NR1I2: variants seen among roughly 807,000 people sequenced by gnomAD.
NR1I2 encodes orphan nuclear receptor PAR1.
A neutral mutation model predicts 43.3 loss-of-function variants in NR1I2; 42 were observed. The observed-to-expected ratio is 0.97, with a 90% CI of 0.76 to 1.26. The LOEUF (loss-of-function observed/expected upper bound fraction) is 1.26, where lower values mean the gene tolerates loss of function less well. NR1I2 is among the 50% of genes most tolerant of loss of function. The pLI, the probability that NR1I2 is intolerant of heterozygous loss-of-function variation, is 0.00. For synonymous variants in NR1I2, 229 were observed against 215.0 expected (o/e 1.06, Z -0.57); for missense variants, 559 against 566.7 (o/e 0.99, Z 0.14).
intron 1 of NR1I2, among the ~76,000 whole-genome samples, chr3:119,788,268 C>A (rs533126067): frequency 6.6e-6 from 1 of 151,980 alleles, no homozygotes; most frequent in South Asian, 2.1e-4. Flanking sequence ...TGTGTGCCAC[C>A]ATGCCCAGAC....
chr3:119,802,843 G>A (rs958444597), intron 1 of NR1I2: 8 of 456,374 alleles, frequency 1.8e-5, no homozygotes, highest in Middle Eastern at 3.2e-4. Flanking sequence ...ACACATGTCT[G>A]TTGAGCAATA....
intron 1 of NR1I2, among the ~76,000 whole-genome samples, chr3:119,804,970 T>G (rs2107966176): frequency 6.6e-6 from 1 of 152,338 alleles, no homozygotes; most frequent in African/African-American, 2.4e-5. Context: ...TTTTTTTCCC[T>G]TCAACAATAC....
intron 1 of NR1I2, among the ~76,000 whole-genome samples, chr3:119,794,035 G>C (rs1032322835): frequency 1.3e-5 from 2 of 151,786 alleles, no homozygotes; most frequent in Non-Finnish European, 2.9e-5. Flanking sequence ...TTTTAGACAG[G>C]GTCTCACTCT....
intron 1 of NR1I2, chr3:119,792,489 C>T (rs2054934220): frequency 9.3e-7 from 1 of 1,077,716 alleles, no homozygotes; most frequent in Non-Finnish European, 1.4e-6. Context: ...TACCAGCTCT[C>T]TCGCTCTTGG....
chr3:119,800,721 C>T (rs886115484), intron 1 of NR1I2, among the ~76,000 whole-genome samples: 4 of 152,222 alleles, frequency 2.6e-5, no homozygotes, highest in African/African-American at 9.6e-5. Flanking sequence ...CAGTAAGGTT[C>T]CTCGGTCCAT....
chr3:119,791,727 C>G (rs2054922403), intron 1 of NR1I2: 1 of 384,768 alleles, frequency 2.6e-6, no homozygotes. Flanking sequence ...CCAGCCTGGC[C>G]AACATGGTGA....
chr3:119,817,353 G>T lies in NR1I2; in HGVS notation c.*141G>T. The T allele has an allele frequency of 6.5e-7, 1 of 1,543,380 alleles. No individual in the cohort carries two copies. Among genetic ancestry groups the T allele is most frequent in the Non-Finnish European group, 8.7e-7 (1 of 1,149,454 alleles). ...TGTCTCCCTAGGGAATTCCTGCTAT[G>T]ACAGCTGGCTAGCATTCCTCAGGAA... is the stretch of plus-strand genomic sequence containing the variant. On this transcript the variant is annotated 3_prime_UTR_variant, in exon 9 of 9. Coordinates refer to ENST00000393716, the MANE Select transcript of NR1I2 (RefSeq NM_003889.4).
At position 119,812,672 on chromosome 3, in the gene NR1I2, G is replaced by C; in HGVS notation, c.520-14G>C. 2.5e-6 allele frequency: 4 copies of C among 1,613,422 alleles called. No individual in the cohort carries two copies. Among genetic ancestry groups the C allele is most frequent in the Non-Finnish European group, 3.4e-6 (4 of 1,179,938 alleles). ...GCTGTCTCTCCTCTGTCCACCTCCT[G>C]GCATGTGTCCTAGCTGCCAGGGGTG... On this transcript the variant is annotated splice_polypyrimidine_tract_variant and intron_variant, in intron 4 of 8. Coordinates refer to ENST00000393716, the MANE Select transcript of NR1I2 (RefSeq NM_003889.4).
At chr3:119,786,038 AT>A (rs2054838703) in intron 1 of NR1I2, among the ~76,000 whole-genome samples, 1 of 152,238 alleles carries the variant, frequency 6.6e-6, no homozygotes, top group South Asian at 2.1e-4. Flanking sequence ...GCTGTTAAGC[AT>A]TGATTAATTT....
At chr3:119,785,858 A>G (rs765621957) in intron 1 of NR1I2, among the ~76,000 whole-genome samples, 48 of 152,254 alleles carry the variant, frequency 3.2e-4, no homozygotes, top group Non-Finnish European at 5.9e-4. Context: ...AGTGCCAGCA[A>G]TAAAATCTTT....
Position 119,782,228 on chromosome 3 carries a change from C to G in NR1I2, c.-95C>G, listed in dbSNP as rs537609230. On this transcript the variant is annotated 5_prime_UTR_variant, in exon 1 of 9. It adds an upstream start codon to the 5' untranslated region. Transcript: ENST00000393716. ...CTCCTTGGTAAAGCTACTCCTTGAT[C>G]GATCCTTTGCACCGGATTGTTCAAA... 1.3e-5 allele frequency: 2 copies of G among 156,148 alleles called. No individual in the cohort carries two copies. Among genetic ancestry groups the G allele is most frequent in the African/African-American group, 4.8e-5 (2 of 41,510 alleles). 9.7% of individuals were successfully genotyped at this position (156,148 alleles called of 1,614,324 possible). A position where few individuals can be genotyped will look rare whatever the true frequency, so the allele number is the denominator to read the frequency against.
chr3:119,816,761 A>G (rs1240656946), intron 8 of NR1I2, among the ~76,000 whole-genome samples: 3 of 151,532 alleles, frequency 2.0e-5, no homozygotes, highest in Non-Finnish European at 4.4e-5. Context: ...TTGACACTGC[A>G]GTGAGTCCAT....
intron 3 of NR1I2, chr3:119,811,336 C>A: frequency 1.7e-6 from 1 of 578,204 alleles, no homozygotes; most frequent in Non-Finnish European, 3.0e-6. Context: ...CCAGCCTCAC[C>A]TCATCTCTGT....
intron 1 of NR1I2, among the ~76,000 whole-genome samples, chr3:119,801,807 C>T (rs2055085252): frequency 6.6e-6 from 1 of 152,210 alleles, no homozygotes; most frequent in Admixed American, 6.5e-5. Flanking sequence ...TCCAAGAGGG[C>T]TCACTCACAC....
In NR1I2 at chr3:119,811,587, GGAA is replaced by G; in HGVS notation, c.384_386del (p.Lys129del). On this transcript the variant is annotated inframe_deletion, in exon 4 of 9. Coordinates refer to ENST00000393716, the MANE Select transcript of NR1I2 (RefSeq NM_003889.4). The stretch of plus-strand genomic sequence containing the variant: ...GAGGAGAGGCGGGCCTTGATCAAGC[GGAA>G]GAAAAGTGAACGGACAGGGACTCAG... The G allele has an allele frequency of 6.2e-7, 1 of 1,613,780 alleles. No homozygotes were observed. Among genetic ancestry groups the G allele is most frequent in the Non-Finnish European group, 8.5e-7 (1 of 1,179,852 alleles).
At chr3:119,783,058 A>G (rs1380360739) in intron 1 of NR1I2, among the ~76,000 whole-genome samples, 5 of 152,134 alleles carry the variant, frequency 3.3e-5, no homozygotes, top group African/African-American at 1.2e-4. Flanking sequence ...TCTTGACTCA[A>G]TGAATCAGCT....
chr3:119,813,349 G>A (rs1577285821), intron 5 of NR1I2, among the ~76,000 whole-genome samples: 2 of 152,140 alleles, frequency 1.3e-5, no homozygotes, highest in African/African-American at 4.8e-5. Context: ...AGGAATGAGA[G>A]GAATAGAAAA....
At position 119,818,486 on chromosome 3, in the gene NR1I2, G is replaced by C. The variant is rs2055360399; in HGVS notation, c.*1274G>C. The C allele has an allele frequency of 2.0e-6, 2 of 984,854 alleles. No individual in the cohort carries two copies. Among genetic ancestry groups the C allele is most frequent in the Non-Finnish European group, 2.4e-6 (2 of 829,472 alleles). The allele number at this position is 984,854 out of a possible 1,614,324, so 61.0% of individuals were successfully genotyped here. A position where few individuals can be genotyped will look rare whatever the true frequency, so the allele number is the denominator to read the frequency against. On this transcript the variant is annotated 3_prime_UTR_variant, in exon 9 of 9. Coordinates refer to ENST00000393716, the MANE Select transcript of NR1I2 (RefSeq NM_003889.4). ...GAATTAAATAATGTACTTTTGGCTA[G>C]AGGGGTAAACTTTTTTGGCTTTTTT...
At chr3:119,811,949 CA>C (rs2055249862) in intron 4 of NR1I2, among the ~76,000 whole-genome samples, 1 of 152,194 alleles carries the variant, frequency 6.6e-6, no homozygotes, top group Non-Finnish European at 1.5e-5. Flanking sequence ...CATCAGCATG[CA>C]GATTTTCAGG....
Sources: allele counts gnomAD v4.1 joint callset (sites outside exome capture counted in the v4.1 genomes callset), GRCh38; gene constraint gnomAD v4.1.1; transcripts MANE v1.5; gene names NCBI Gene and HGNC (gene_info 2026-07-23, HGNC 2026-07-21).